The following TEC variants were observed in gnomAD, a reference collection of about 807,000 sequenced individuals.
TEC encodes tyrosine-protein kinase Tec.
Under a neutral mutation model 93.0 loss-of-function variants are expected in TEC, and 72 were observed. That is an observed-to-expected ratio of 0.77 (90% CI 0.64 to 0.94). The LOEUF (loss-of-function observed/expected upper bound fraction) is 0.94, where lower values mean the gene tolerates loss of function less well. Among genes scored for constraint, TEC ranks in the 40% least tolerant of loss-of-function variants. The probability of loss-of-function intolerance (pLI) is 0.00; values close to 1 mark genes in which losing one functional copy is unlikely to be tolerated. For missense variants in TEC, 630 were observed against 757.9 expected, an observed-to-expected ratio of 0.83 and a Z score of 1.98; for synonymous variants, 249 against 247.7, an observed-to-expected ratio of 1.01 and a Z score of -0.05.
intron 7 of TEC, among the ~76,000 whole-genome samples, chr4:48,166,675 T>C (rs953214259): frequency 6.6e-6 from 1 of 152,018 alleles, no homozygotes; most frequent in Non-Finnish European, 1.5e-5. Flanking sequence ...ATATACTTTT[T>C]GGATGCTTGA....
chr4:48,145,005 T>C (rs1457218757), intron 14 of TEC, 74 bp downstream of exon 14: 1 of 1,387,188 alleles, frequency 7.2e-7, no homozygotes, highest in Non-Finnish European at 1.0e-6. Flanking sequence ...TATTAATACA[T>C]CATTGCACAT....
intron 1 of TEC, among the ~76,000 whole-genome samples, chr4:48,257,263 A>G (rs1414445202): frequency 6.6e-6 from 1 of 152,210 alleles, no homozygotes; most frequent in Non-Finnish European, 1.5e-5. Context: ...ACTACTAGAA[A>G]ATTTTAAATT....
chr4:48,219,974 T>C (rs192640779), intron 2 of TEC, among the ~76,000 whole-genome samples: 1 of 152,158 alleles, frequency 6.6e-6, no homozygotes, highest in Non-Finnish European at 1.5e-5. Flanking sequence ...GGAAGAGCAC[T>C]GAACTTAAGA....
chr4:48,145,616 A>C lies in TEC; in HGVS notation c.1082-37T>G, dbSNP rs1489706786. 3 of 1,605,174 alleles carry C rather than the reference A, an allele frequency of 1.9e-6. No individual in the cohort carries two copies. The East Asian group carries it at 6.7e-5, about 36-fold the overall frequency. The stretch of plus-strand genomic sequence containing the variant: ...AAAGTGAAAGTGTTCATATTTAAAA[A>C]GGAAAATGTAGCATGAATCAGAGAG... On this transcript the variant is annotated intron_variant, in intron 12 of 17. Transcript: ENST00000381501.
intron 2 of TEC, among the ~76,000 whole-genome samples, chr4:48,219,425 C>G (rs1723182708): frequency 6.6e-6 from 1 of 152,220 alleles, no homozygotes; most frequent in Non-Finnish European, 1.5e-5. Context: ...CATCCGGAGG[C>G]CTAAACCCCT....
intron 1 of TEC, among the ~76,000 whole-genome samples, chr4:48,255,846 A>G (rs952984458): frequency 1.3e-5 from 2 of 152,222 alleles, no homozygotes; most frequent in African/African-American, 4.8e-5. Flanking sequence ...AATTAGTATT[A>G]TCAGAACAAA....
intron 15 of TEC, among the ~76,000 whole-genome samples, chr4:48,139,504 AAAAAAC>A (rs141480153): frequency 0.023 from 3,437 of 152,294 alleles, 138 homozygotes; most frequent in African/African-American, 0.079. Flanking sequence ...AGCAAATGCA[AAAAAAC>A]AAAAACAAAA....
intron 3 of TEC, among the ~76,000 whole-genome samples, chr4:48,172,535 A>C (rs995381480): frequency 2.0e-5 from 3 of 151,984 alleles, no homozygotes; most frequent in South Asian, 4.1e-4. Context: ...CCCTCGGCTC[A>C]AGTGATCTTC....
At chr4:48,156,009 G>T (rs896080608) in intron 9 of TEC, 2 of 152,192 alleles carry the variant, frequency 1.3e-5, no homozygotes, top group African/African-American at 4.8e-5. Context: ...GAAGCTATTT[G>T]TGAGTATTCT....
intron 2 of TEC, among the ~76,000 whole-genome samples, chr4:48,217,200 T>G (rs899341414): frequency 2.0e-5 from 3 of 152,088 alleles, no homozygotes; most frequent in African/African-American, 7.2e-5. Context: ...GCCTCCCAGG[T>G]TCAAACGATT....
At chr4:48,248,757 C>T (rs1231746323) in intron 1 of TEC, among the ~76,000 whole-genome samples, 1 of 152,176 alleles carries the variant, frequency 6.6e-6, no homozygotes, top group Non-Finnish European at 1.5e-5. Context: ...ACCAGGTTCA[C>T]ACGCCTCCAG....
At position 48,171,414 on chromosome 4, in the gene TEC, T is replaced by C; in HGVS notation, c.279A>G (p.Ala93=). The part of the protein sequence containing the change: ...VHDANTLYIF[A]PSPQSRDLWV... ...ACAGGTCCCTGCTTTGTGGACTAGG[T>C]GCAAAAATGTAAAGTGTGTTAGCAT... is the stretch of plus-strand genomic sequence containing the variant. The change falls in exon 4 of 18, where the codon GCA becomes GCG. Residue 93 remains alanine (A), a synonymous_variant. Transcript: ENST00000381501. 1 of 1,613,558 alleles carries C rather than the reference T, an allele frequency of 6.2e-7. No homozygotes were observed. The highest frequency in any genetic ancestry group is 8.5e-7 in the Non-Finnish European group (1 of 1,179,834).
intron 15 of TEC, 149 bp downstream of exon 15, chr4:48,141,206 T>C: frequency 1.5e-6 from 1 of 660,348 alleles, no homozygotes; most frequent in East Asian, 2.7e-5. Context: ...GTGGAGAGAA[T>C]TACTACCATC....
At chr4:48,200,289 T>C (rs1394900403) in intron 2 of TEC, among the ~76,000 whole-genome samples, 10 of 150,112 alleles carry the variant, frequency 6.7e-5, no homozygotes, top group South Asian at 2.1e-4. Context: ...GGGTGGGGAG[T>C]GAGGAGAAAG....
intron 17 of TEC, 55 bp downstream of exon 17, chr4:48,138,610 C>T: frequency 6.5e-7 from 1 of 1,538,790 alleles, no homozygotes; most frequent in Non-Finnish European, 8.7e-7. Context: ...TGTTATCCAT[C>T]TACCAAGCCC....
chr4:48,201,114 A>G (rs1722490835), intron 2 of TEC, among the ~76,000 whole-genome samples: 1 of 152,174 alleles, frequency 6.6e-6, no homozygotes, highest in African/African-American at 2.4e-5. Flanking sequence ...AGCAGGACTG[A>G]GATATATTTA....
intron 2 of TEC, among the ~76,000 whole-genome samples, chr4:48,200,354 T>A (rs1381331654): frequency 6.6e-6 from 1 of 152,208 alleles, no homozygotes; most frequent in Non-Finnish European, 1.5e-5. Context: ...CAGTGTCCCA[T>A]AGGCCATGTT....
At chr4:48,146,178 G>A in intron 12 of TEC, 147 bp downstream of exon 12, 1 of 641,902 alleles carries the variant, frequency 1.6e-6, no homozygotes, top group Non-Finnish European at 2.6e-6. Flanking sequence ...GGCTGCTATG[G>A]TCTTAAGTAT....
intron 1 of TEC, among the ~76,000 whole-genome samples, chr4:48,242,781 C>T (rs563795787): frequency 1.3e-4 from 20 of 152,276 alleles, no homozygotes; most frequent in Middle Eastern, 3.4e-3. Context: ...GCTCTTGTCT[C>T]TTTAATATGA....
Sources: allele counts gnomAD v4.1 joint callset (sites outside exome capture counted in the v4.1 genomes callset), GRCh38; gene constraint gnomAD v4.1.1; transcripts MANE v1.5; gene names NCBI Gene and HGNC (gene_info 2026-07-23, HGNC 2026-07-21).